Variants in HSPG2 observed in about 807,000 individuals in gnomAD.
The protein encoded by HSPG2 is heparan sulfate proteoglycan 2.
Under a neutral mutation model 526.6 loss-of-function variants are expected in HSPG2, and 278 were observed. That is an observed-to-expected ratio of 0.53 (90% confidence interval 0.48 to 0.58). The LOEUF (loss-of-function observed/expected upper bound fraction) is 0.58, where lower values mean the gene tolerates loss of function less well. HSPG2 is among the 20% of genes least tolerant of loss of function. The pLI is 0.00. For synonymous variants in HSPG2, 2,465 were observed against 2,555.4 expected (o/e 0.96, Z 1.07); for missense variants, 5,354 against 6,099.5 (o/e 0.88, Z 4.07).
chr1:21,830,227 G>A, intron 85 of HSPG2, 136 bp from the exon 86 acceptor site: 1 of 730,602 alleles, frequency 1.4e-6, no homozygotes, highest in Non-Finnish European at 2.4e-6. Flanking sequence ...GGAGGCCTTG[G>A]AGGAGGGAAC....
Position 21,875,656 on chromosome 1 carries a change from G to T in HSPG2, c.3275C>A (p.Ser1092Tyr). The T allele has an allele frequency of 6.2e-7, 1 of 1,602,690 alleles. No individual in the cohort carries two copies. The change falls in exon 25 of 97, where the codon TCC (serine) becomes TAC (tyrosine). Residue 1092 changes from serine to tyrosine, a missense_variant. Transcript: ENST00000374695. Reference sequence around the variant, plus strand: ...GCTCTCAGCGGGCTGCTGGGCGTAGGATGCTCGGATCAGGAGGGTGTCGAT... The same window carrying T: ...GCTCTCAGCGGGCTGCTGGGCGTAGTATGCTCGGATCAGGAGGGTGTCGAT... ...AGIDTLLIRA[S>Y]YAQQPAESRV...
chr1:21,869,641 A>G, intron 33 of HSPG2: 6 of 986,046 alleles, frequency 6.1e-6, no homozygotes, highest in Non-Finnish European at 7.2e-6. Flanking sequence ...CTCAGCATCC[A>G]TCCGTCTCTG....
intron 1 of HSPG2, among the ~76,000 whole-genome samples, chr1:21,916,148 T>C (rs1287505876): frequency 1.3e-5 from 2 of 151,074 alleles, no homozygotes; most frequent in African/African-American, 2.4e-5. Context: ...GGGCAGATCA[T>C]GAGGTCAGGA....
At chr1:21,912,046 T>C (rs1387547537) in intron 1 of HSPG2, among the ~76,000 whole-genome samples, 1 of 152,212 alleles carries the variant, frequency 6.6e-6, no homozygotes, top group African/African-American at 2.4e-5. Context: ...TGAGACACGT[T>C]GATAGTTTTT....
chr1:21,833,823 C>T lies in HSPG2; in HGVS notation c.10823G>A (p.Trp3608Ter), dbSNP rs1207700809. ...ASGYPTPDIS[W>*]SKLDGSLPPD... ...TCCCTCTCCAGCACTTACCTTGCTC[C>T]AGCTGATGTCAGGAGTGGGGTAGCC... is the stretch of plus-strand genomic sequence containing the variant. The change falls in exon 78 of 97, where the codon TGG (tryptophan) becomes TAG (stop). Residue 3608 changes from tryptophan to a stop codon, truncating the protein, a stop_gained. Coordinates refer to ENST00000374695, the MANE Select transcript of HSPG2 (RefSeq NM_005529.7). LOFTEE classifies it high-confidence loss of function. 6.3e-7 allele frequency: 1 copy of T among 1,594,690 alleles called. No individual in the cohort carries two copies. Among genetic ancestry groups the T allele is most frequent in the Non-Finnish European group, 8.5e-7 (1 of 1,170,062 alleles).
At chr1:21,911,487 G>T (rs2152788149) in intron 1 of HSPG2, among the ~76,000 whole-genome samples, 1 of 151,872 alleles carries the variant, frequency 6.6e-6, no homozygotes, top group Non-Finnish European at 1.5e-5. Context: ...GGGGTGGGCG[G>T]GCTGGCTGGG....
At chr1:21,853,973 G>A (rs1639126688) in intron 50 of HSPG2, 2 of 525,924 alleles carry the variant, frequency 3.8e-6, no homozygotes, top group Non-Finnish European at 6.8e-6. Context: ...GCTGCTTCCT[G>A]ACAAATTCTG....
At chr1:21,837,427 C>T (rs1034557497) in intron 74 of HSPG2, among the ~76,000 whole-genome samples, 3 of 151,700 alleles carry the variant, frequency 2.0e-5, no homozygotes, top group Admixed American at 1.3e-4. Context: ...ACTACAGGTG[C>T]GCCACCGTGC....
In HSPG2 at chr1:21,839,365, C is replaced by T. The variant is rs762003759; in HGVS notation, c.9889+6G>A. The stretch of plus-strand genomic sequence containing the variant: ...TGGTGCAGACAAAGAAGGGATGAGG[C>T]CTTACTCTCCACGTGCAGGATGATG... On this transcript the variant is annotated splice_donor_region_variant and intron_variant, in intron 73 of 96. Coordinates refer to ENST00000374695, the MANE Select transcript of HSPG2 (RefSeq NM_005529.7). This position sits in a 1 kb window ranked among gnomAD's most constrained non-coding sequence, Gnocchi z 4.5. 6 of 1,610,756 alleles carry T rather than the reference C, an allele frequency of 3.7e-6. No individual in the cohort carries two copies. In the African/African-American group the frequency reaches 8.0e-5, roughly 22 times the overall value.
intron 1 of HSPG2, among the ~76,000 whole-genome samples, chr1:21,902,033 C>T (rs1458248801): frequency 6.6e-6 from 1 of 152,188 alleles, no homozygotes; most frequent in African/African-American, 2.4e-5. Flanking sequence ...AGGCCCCAGA[C>T]ACAGGATCAA....
intron 33 of HSPG2, among the ~76,000 whole-genome samples, chr1:21,870,578 G>A (rs757120799): frequency 9.8e-5 from 15 of 152,332 alleles, no homozygotes; most frequent in East Asian, 1.9e-4. Flanking sequence ...GATTAGCATC[G>A]GGTTAGTCTC....
intron 1 of HSPG2, among the ~76,000 whole-genome samples, chr1:21,903,725 G>A (rs1643220875): frequency 6.6e-6 from 1 of 152,360 alleles, no homozygotes; most frequent in South Asian, 2.1e-4. Context: ...CTCTTTGAGA[G>A]GCACAGTCCC....
chr1:21,874,375 A>G, intron 28 of HSPG2, 31 bp downstream of exon 28: 1 of 1,610,324 alleles, frequency 6.2e-7, no homozygotes, highest in Non-Finnish European at 8.5e-7. Flanking sequence ...CATTTCAGGG[A>G]AGGGCAGGTG....
rs146286188 is a variant in HSPG2, at chr1:21,833,286, G to A, written c.11077C>T (p.Arg3693Trp). The A allele has an allele frequency of 1.6e-4, 262 of 1,613,902 alleles. No individual in the cohort carries two copies. Among genetic ancestry groups the A allele is most frequent in the African/African-American group, 5.2e-4 (39 of 74,914 alleles). ...TGCTCACCATCGGCTGAGTCGGGCC[G>A]GAAGGTGATCTTGATCTCGAACTTC... ...YRKFEIKITFRPDSADGMLLY... is the reference protein window; with the variant it reads ...YRKFEIKITFWPDSADGMLLY... Residue 3693 changes from arginine to tryptophan, a missense_variant, in exon 80 of 97, where the codon CGG becomes TGG. Physicochemically the swap from Arg to Trp is moderately radical, Grantham distance 101. Transcript: ENST00000374695.
chr1:21,911,161 G>A (rs1026134595), intron 1 of HSPG2, among the ~76,000 whole-genome samples: 1 of 152,294 alleles, frequency 6.6e-6, no homozygotes, highest in East Asian at 1.9e-4. Flanking sequence ...TCTTCTTCAG[G>A]TCGTTGGTAG....
At chr1:21,833,175 AG>A (rs2098012078) in intron 80 of HSPG2, 92 bp downstream of exon 80, 21 of 1,044,878 alleles carry the variant, frequency 2.0e-5, no homozygotes, top group Non-Finnish European at 3.0e-5. Context: ...GGCAGGACTG[AG>A]GGGCAGCCAG....
rs772602556 is a variant in HSPG2 at position 21,852,136 on chromosome 1, G to C, written c.6822C>G (p.Ala2274=). The C allele has an allele frequency of 2.5e-6, 4 of 1,613,836 alleles. No individual in the cohort carries two copies. In the Admixed American group the frequency reaches 6.7e-5, roughly 27 times the overall value. ...LSCVVAGQAH[A]QVTWYKRGGS... ...CCCCACGCTTGTACCATGTGACCTG[G>C]GCGTGGGCCTGCCCTGCCACCACGC... Residue 2274 remains alanine, a synonymous_variant, in exon 53 of 97, where the codon GCC becomes GCG. Transcript: ENST00000374695.
Position 21,847,620 on chromosome 1 carries a change from C to T in HSPG2, c.8025+69G>A. On this transcript the variant is annotated intron_variant, in intron 61 of 96. Transcript: ENST00000374695. This position sits in a 1 kb window ranked among gnomAD's most constrained non-coding sequence, Gnocchi z 4.1. ...TCTACCCAGGGCCCAATCCGTGAGA[C>T]AGGGAGCCTGCTCTGCTCACCCCAG... The T allele has an allele frequency of 6.2e-7, 1 of 1,605,146 alleles. No individual in the cohort carries two copies. Among genetic ancestry groups the T allele is most frequent in the East Asian group, 2.2e-5 (1 of 44,668 alleles).
intron 1 of HSPG2, among the ~76,000 whole-genome samples, chr1:21,903,461 C>T (rs1444895168): frequency 2.0e-5 from 3 of 152,156 alleles, no homozygotes; most frequent in Admixed American, 6.5e-5. Flanking sequence ...ATTATCTGGG[C>T]GTGGTGGCGT....
Sources: gnomAD v4.1 joint callset for allele counts (sites outside exome capture counted in the v4.1 genomes callset) on GRCh38, gnomAD v4.1.1 for gene constraint, Gnocchi (gnomAD v3.1) non-coding constraint, MANE v1.5 for transcripts, NCBI Gene and HGNC (gene_info 2026-07-23, HGNC 2026-07-21) for gene names.